The following SH3BGRL variants were observed in gnomAD, a reference collection of about 807,000 sequenced individuals.
SH3BGRL encodes adapter SH3BGRL.
Under a neutral mutation model 9.8 loss-of-function variants are expected in SH3BGRL, and 7 were observed. The observed-to-expected ratio is 0.72, with a 90% CI of 0.41 to 1.35. The LOEUF is 1.35. SH3BGRL is among the 40% of genes most tolerant of loss of function. The probability of loss-of-function intolerance (pLI) is 0.01; values close to 1 mark genes in which losing one functional copy is unlikely to be tolerated. For synonymous variants in SH3BGRL, 36 were observed against 29.1 expected, an observed-to-expected ratio of 1.24 and a Z score of -0.76; for missense variants, 73 against 84.4, an observed-to-expected ratio of 0.86 and a Z score of 0.53.
intron 1 of SH3BGRL, among the ~76,000 whole-genome samples, chrX:81,204,881 A>C (rs1372489487): frequency 8.9e-6 from 1 of 112,513 alleles, no homozygotes; most frequent in Non-Finnish European, 1.9e-5. Context: ...TGCTTCTTGA[A>C]AGTTTAGAAA....
intron 1 of SH3BGRL, among the ~76,000 whole-genome samples, chrX:81,272,195 CAAAAA>C (rs11380632): frequency 1.3e-5 from 1 of 74,882 alleles, no homozygotes; most frequent in Non-Finnish European, 2.4e-5. Flanking sequence ...AGACTGCGTC[CAAAAA>C]AAAAAAAAAA....
intron 3 of SH3BGRL, 84 bp downstream of exon 3, chrX:81,278,495 A>G (rs1032492450): frequency 6.4e-6 from 4 of 622,622 alleles, no homozygotes; most frequent in Admixed American, 3.7e-5. Flanking sequence ...ATTTTTGTTA[A>G]GTATTCAAAT....
At chrX:81,274,562 A>G (rs2075791935) in intron 1 of SH3BGRL, among the ~76,000 whole-genome samples, 1 of 109,768 alleles carries the variant, frequency 9.1e-6, no homozygotes. Flanking sequence ...ACTGCACTCT[A>G]GCCTGGGCGA....
chrX:81,244,953 A>T (rs2147690167), intron 1 of SH3BGRL, among the ~76,000 whole-genome samples: 1 of 111,773 alleles, frequency 8.9e-6, no homozygotes, highest in African/African-American at 3.3e-5. Flanking sequence ...CTAGCAGAGC[A>T]TTTTTGCCTA....
At chrX:81,272,615 A>G (rs1339477717) in intron 1 of SH3BGRL, among the ~76,000 whole-genome samples, 1 of 106,511 alleles carries the variant, frequency 9.4e-6, no homozygotes, top group African/African-American at 3.5e-5. Context: ...ATTCTCCTGC[A>G]TCAGCCTCCT....
Position 81,237,041 on chromosome X carries a change from G to C in SH3BGRL, c.45+34796G>C, listed in dbSNP as rs762610086. The C allele has an allele frequency of 3.6e-6, 3 of 827,914 alleles. No homozygotes were observed. The East Asian group carries it at 2.4e-4, about 66-fold the overall frequency. The allele number at this position is 827,914 out of a possible 1,213,427, so 68.2% of individuals were successfully genotyped here. A position where few individuals can be genotyped will look rare whatever the true frequency, so the allele number is the denominator to read the frequency against. On this transcript the variant is annotated intron_variant, in intron 1 of 3. Transcript: ENST00000373212. ...GACTTGAAACCATGGAAATTAGATA[G>C]ATTCCAGTGAAGGCTATGGTAGTGA...
intron 1 of SH3BGRL, among the ~76,000 whole-genome samples, chrX:81,223,666 T>C (rs1414932221): frequency 9.0e-6 from 1 of 111,030 alleles, no homozygotes; most frequent in East Asian, 2.8e-4. Flanking sequence ...ACTCAAGACA[T>C]ACTGAATTAA....
intron 1 of SH3BGRL, among the ~76,000 whole-genome samples, chrX:81,219,224 G>A (rs890111969): frequency 5.5e-5 from 6 of 109,361 alleles, no homozygotes; most frequent in Non-Finnish European, 7.6e-5. Flanking sequence ...AAAGCATCAG[G>A]TAACTATATA....
intron 1 of SH3BGRL, among the ~76,000 whole-genome samples, chrX:81,211,422 G>A (rs753842713): frequency 8.1e-5 from 9 of 110,831 alleles, no homozygotes; most frequent in African/African-American, 1.3e-4. Flanking sequence ...CGTCTCTACT[G>A]AAAATACAAA....
chrX:81,275,576 CTATT>C (rs1179166416), intron 1 of SH3BGRL, among the ~76,000 whole-genome samples: 1 of 111,841 alleles, frequency 8.9e-6, no homozygotes, highest in Non-Finnish European at 1.9e-5. Flanking sequence ...CTAGGCACTC[CTATT>C]TATTGAGTTT....
At chrX:81,231,784 T>C (rs922318815) in intron 1 of SH3BGRL, among the ~76,000 whole-genome samples, 2 of 112,244 alleles carry the variant, frequency 1.8e-5, no homozygotes, top group Non-Finnish European at 3.8e-5. Flanking sequence ...CAAACACTAG[T>C]TGTAAAAGTG....
intron 1 of SH3BGRL, among the ~76,000 whole-genome samples, chrX:81,239,520 G>C (rs1314674448): frequency 9.0e-6 from 1 of 111,646 alleles, no homozygotes; most frequent in African/African-American, 3.3e-5. Context: ...CACGCATACA[G>C]AATCTAAAAA....
Position 81,297,478 on chromosome X carries a change from C to T in SH3BGRL, c.*251C>T. 7.1e-6 allele frequency: 2 copies of T among 280,349 alleles called. No individual in the cohort carries two copies. The highest frequency in any genetic ancestry group is 1.3e-4 in the East Asian group (2 of 15,842). 23.1% of individuals were successfully genotyped at this position (280,349 alleles called of 1,213,427 possible). A position where few individuals can be genotyped will look rare whatever the true frequency, so the allele number is the denominator to read the frequency against. On this transcript the variant is annotated 3_prime_UTR_variant, in exon 4 of 4. Transcript: ENST00000373212. ...GATATCGTAGAAATAGTGTTGTTAC[C>T]TGCCAAGCCATCCTGTATACACCAA...
intron 3 of SH3BGRL, among the ~76,000 whole-genome samples, chrX:81,282,629 A>G (rs773776031): frequency 3.1e-4 from 35 of 111,796 alleles, no homozygotes; most frequent in African/African-American, 9.7e-4. Context: ...CTTTAAACTG[A>G]ATGACAGTAA....
At chrX:81,257,513 A>G (rs186757334) in intron 1 of SH3BGRL, among the ~76,000 whole-genome samples, 1 of 112,043 alleles carries the variant, frequency 8.9e-6, no homozygotes. Flanking sequence ...TGACTTCTCA[A>G]TCTGATGGCT....
chrX:81,280,309 C>G (rs1361363435), intron 3 of SH3BGRL, among the ~76,000 whole-genome samples: 2 of 111,097 alleles, frequency 1.8e-5, no homozygotes, highest in African/African-American at 3.3e-5. Context: ...CTGCGGGTCC[C>G]TCTCCGCAAT....
At chrX:81,206,941 T>A (rs2075549642) in intron 1 of SH3BGRL, among the ~76,000 whole-genome samples, 1 of 112,695 alleles carries the variant, frequency 8.9e-6, no homozygotes, top group Non-Finnish European at 1.9e-5. Context: ...CAGAATTGTT[T>A]ATACATGTCT....
chrX:81,255,039 G>A (rs367975689), intron 1 of SH3BGRL, among the ~76,000 whole-genome samples: 4 of 109,724 alleles, frequency 3.6e-5, no homozygotes, highest in East Asian at 5.7e-4. Context: ...ACAGACGTGC[G>A]CCACCACACC....
chrX:81,228,653 C>T (rs2075624073), intron 1 of SH3BGRL, among the ~76,000 whole-genome samples: 1 of 111,617 alleles, frequency 9.0e-6, no homozygotes, highest in Non-Finnish European at 1.9e-5. Flanking sequence ...CTTTGGAATG[C>T]CCCTAGCCAA....
Sources: gnomAD v4.1 joint callset for allele counts (sites outside exome capture counted in the v4.1 genomes callset) on GRCh38, gnomAD v4.1.1 for gene constraint, MANE v1.5 for transcripts, NCBI Gene and HGNC (gene_info 2026-07-23, HGNC 2026-07-21) for gene names.